GAS6: variants seen among roughly 807,000 people sequenced by gnomAD.
The protein encoded by GAS6 is growth arrest-specific protein 6.
In GAS6, 41 loss-of-function variants were observed where a neutral mutation model predicts 75.8. The ratio of observed to expected loss-of-function variants is 0.54; its 90% confidence interval spans 0.42 to 0.70. The LOEUF is 0.70. Ranked by LOEUF, GAS6 falls within the 30% of genes least tolerant of loss-of-function variation. The probability of loss-of-function intolerance (pLI) is 0.00; values close to 1 mark genes in which losing one functional copy is unlikely to be tolerated. For missense variants in GAS6, 854 were observed against 940.2 expected (o/e 0.91, Z 1.20); for synonymous variants, 432 against 412.6 (o/e 1.05, Z -0.57).
chr13:113,822,079 G>A lies in GAS6; in HGVS notation c.1761C>T (p.Thr587=). The change falls in exon 14 of 15, where the codon ACC becomes ACT. Residue 587 remains threonine (T), a synonymous_variant. Transcript: ENST00000327773. ...GGCCCCTGGTGCCGTCCACCTCCAG[G>A]GTGGCCTCACCGTCCCTCAGCGAGA... ...VTVSLRDGEA[T]LEVDGTRGQS... 1 of 1,594,856 alleles carries A rather than the reference G, an allele frequency of 6.3e-7. No individual in the cohort carries two copies. The highest frequency in any genetic ancestry group is 8.5e-7 in the Non-Finnish European group (1 of 1,172,808).
intron 11 of GAS6, among the ~76,000 whole-genome samples, chr13:113,827,999 G>T (rs1031787710): frequency 1.3e-5 from 2 of 152,190 alleles, no homozygotes; most frequent in Non-Finnish European, 2.9e-5. Context: ...ATTTCGGCCG[G>T]GCGCGGTGGC....
intron 2 of GAS6, among the ~76,000 whole-genome samples, chr13:113,859,778 G>A (rs911746523): frequency 1.1e-4 from 16 of 152,250 alleles, no homozygotes; most frequent in Admixed American, 9.2e-4. Flanking sequence ...GTGGGAGTGT[G>A]CTGCAGCCTC....
In GAS6 at chr13:113,863,352, G is replaced by A. The variant is rs1198619238; in HGVS notation, c.255+223C>T. Among the ~76,000 whole-genome samples the A allele has an allele frequency of 6.6e-6, 1 of 152,154 alleles. No individual in the cohort carries two copies. The highest frequency in any genetic ancestry group is 1.9e-4 in the East Asian group (1 of 5,160). The stretch of plus-strand genomic sequence containing the variant: ...CCCGCGGGGAGGCGTCTGACAGCGA[G>A]CGTTTCCCGGACAGCCCCGCAGCGT... On this transcript the variant is annotated intron_variant, in intron 2 of 14. Coordinates refer to ENST00000327773, the MANE Select transcript of GAS6 (RefSeq NM_000820.4). This position sits in a 1 kb window ranked among gnomAD's most constrained non-coding sequence, Gnocchi z 9.4.
intron 12 of GAS6, among the ~76,000 whole-genome samples, chr13:113,824,646 C>T (rs74118433): frequency 0.018 from 2,760 of 152,252 alleles, 92 homozygotes; most frequent in African/African-American, 0.064. Flanking sequence ...CTGGGCGCCT[C>T]GCACTGCAGG....
chr13:113,854,624 C>G (rs564620042), intron 2 of GAS6, among the ~76,000 whole-genome samples: 33 of 152,384 alleles, frequency 2.2e-4, no homozygotes, highest in Admixed American at 7.2e-4. Context: ...CCCCCACAGG[C>G]CCTGAGCCAG....
At chr13:113,835,726 C>T in intron 6 of GAS6, 91 bp from the exon 7 acceptor site, 1 of 1,536,342 alleles carries the variant, frequency 6.5e-7, no homozygotes, top group South Asian at 1.3e-5. Flanking sequence ...CAGGGCACCA[C>T]CCAGAGGTCG....
chr13:113,833,606 G>GTCGGTGTGA, intron 8 of GAS6: 2 of 996,116 alleles, frequency 2.0e-6, no homozygotes, highest in South Asian at 3.8e-5. Flanking sequence ...GGTGTGACAG[G>GTCGGTGTGA]CACCGGTGTG....
At chr13:113,822,564 C>T (rs756450776) in intron 13 of GAS6, 2 of 194,666 alleles carry the variant, frequency 1.0e-5, no homozygotes, top group African/African-American at 2.3e-5. Context: ...GGCGGCCTCC[C>T]AGCCCGGTGG....
chr13:113,839,663 G>A (rs1566365782), intron 5 of GAS6, 65 bp downstream of exon 5: 10 of 1,585,014 alleles, frequency 6.3e-6, no homozygotes, highest in East Asian at 2.3e-5. Flanking sequence ...TGGGAGTGAG[G>A]AGCGGGGATC....
chr13:113,853,482 A>G (rs1357911869), intron 2 of GAS6, among the ~76,000 whole-genome samples: 6 of 152,262 alleles, frequency 3.9e-5, no homozygotes, highest in Admixed American at 3.9e-4. Context: ...TTTCATCTGC[A>G]TTCATACAGC....
chr13:113,847,013 G>A, intron 3 of GAS6: 1 of 507,948 alleles, frequency 2.0e-6, no homozygotes, highest in African/African-American at 1.9e-5. Context: ...CTCTCTGGCT[G>A]GCTGAACACA....
At chr13:113,831,018 C>T (rs530411862) in intron 10 of GAS6, among the ~76,000 whole-genome samples, 13 of 152,378 alleles carry the variant, frequency 8.5e-5, no homozygotes, top group African/African-American at 2.9e-4. Context: ...TACAATGTTT[C>T]TGAAGGGCAA....
intron 14 of GAS6, chr13:113,821,599 T>TGCGGTGACAGCC (rs1314066083): frequency 6.6e-6 from 2 of 303,882 alleles, no homozygotes; most frequent in Admixed American, 9.3e-5. Flanking sequence ...TGCTAACAGC[T>TGCGGTGACAGCC]GCGGTGACAG....
At chr13:113,832,263 C>A in intron 10 of GAS6, 36 bp downstream of exon 10, 1 of 1,586,102 alleles carries the variant, frequency 6.3e-7, no homozygotes, top group South Asian at 1.1e-5. Flanking sequence ...GGGAGAACCC[C>A]GTGAGGCCTG....
At chr13:113,833,454 T>G in intron 8 of GAS6, 1 of 989,874 alleles carries the variant, frequency 1.0e-6, no homozygotes, top group Non-Finnish European at 1.2e-6. Context: ...CCTGTGGTTT[T>G]GCTTTTTAAA....
chr13:113,822,037 G>A lies in GAS6; in HGVS notation c.1803C>T (p.Ala601=), dbSNP rs758358413. ...DGTRGQSEVS[A]AQLQERLAVL... ...CGGCCAGCCTCTCCTGCAGCTGCGCGGCGCTCACCTCGCTCTGGCCCCTGG... is the reference window on the plus strand; with the variant it reads ...CGGCCAGCCTCTCCTGCAGCTGCGCAGCGCTCACCTCGCTCTGGCCCCTGG... Residue 601 remains alanine (A), a synonymous_variant, in exon 14 of 15, where the codon GCC becomes GCT. Transcript: ENST00000327773. 5 of 1,575,474 alleles carry A rather than the reference G, an allele frequency of 3.2e-6. No homozygotes were observed. Among genetic ancestry groups the A allele is most frequent in the South Asian group, 2.3e-5 (2 of 85,966 alleles).
intron 8 of GAS6, chr13:113,833,007 C>T (rs974673562): frequency 3.6e-6 from 5 of 1,396,882 alleles, no homozygotes; most frequent in African/African-American, 2.9e-5. Flanking sequence ...TGCTCATTTC[C>T]CTTGACCCTT....
At chr13:113,831,382 G>C (rs183961908) in intron 10 of GAS6, among the ~76,000 whole-genome samples, 1 of 152,182 alleles carries the variant, frequency 6.6e-6, no homozygotes, top group African/African-American at 2.4e-5. Flanking sequence ...AAGGGTGGGC[G>C]GGCGGCGCCT....
chr13:113,839,471 T>C (rs972644158), intron 5 of GAS6: 3 of 434,328 alleles, frequency 6.9e-6, no homozygotes, highest in Non-Finnish European at 1.2e-5. Context: ...AGGTGAAATT[T>C]CCCCCCCCGC....
Sources: allele counts gnomAD v4.1 joint callset (sites outside exome capture counted in the v4.1 genomes callset), GRCh38; gene constraint gnomAD v4.1.1; non-coding constraint Gnocchi (gnomAD v3.1); transcripts MANE v1.5; gene names NCBI Gene and HGNC (gene_info 2026-07-23, HGNC 2026-07-21).